AGBL1: variants seen among roughly 807,000 people sequenced by gnomAD.
AGBL1 encodes the protein cytosolic carboxypeptidase 4.
Under a neutral mutation model 118.9 loss-of-function variants are expected in AGBL1, and 130 were observed. The ratio of observed to expected loss-of-function variants is 1.09; its 90% CI spans 0.95 to 1.26. The LOEUF (loss-of-function observed/expected upper bound fraction) is 1.26. Among genes scored for constraint, AGBL1 ranks in the 50% most tolerant of loss-of-function variants. The probability of loss-of-function intolerance (pLI) is 0.00; values close to 1 mark genes in which losing one functional copy is unlikely to be tolerated. For synonymous variants in AGBL1, 555 were observed against 478.9 expected (o/e 1.16, Z -2.08); for missense variants, 1,584 against 1,298.1 (o/e 1.22, Z -3.38).
chr15:86,993,062 T>C (rs989422024), intron 24 of AGBL1, among the ~76,000 whole-genome samples: 1 of 152,244 alleles, frequency 6.6e-6, no homozygotes, highest in African/African-American at 2.4e-5. Context: ...GTCATTTTTT[T>C]ATTATCCTAA....
Position 86,258,023 on chromosome 15 carries a change from A to C in AGBL1, c.961A>C (p.Lys321Gln), listed in dbSNP as rs907285815. 1.2e-5 allele frequency: 19 copies of C among 1,613,570 alleles called. No individual in the cohort carries two copies. The highest frequency in any genetic ancestry group is 1.6e-5 in the Non-Finnish European group (19 of 1,179,756). The change falls in exon 9 of 23, where the codon AAA becomes CAA. Residue 321 changes from lysine (K) to glutamine (Q), a missense_variant. By Grantham distance (53) the Lys-to-Gln change is moderately conservative. Transcript: ENST00000614907. ...CAAAGACTCTGATACTGAAGATGGGAAAGTGGAAGTAGGTACACCAGCCCA... is the reference window on the plus strand; with the variant it reads ...CAAAGACTCTGATACTGAAGATGGGCAAGTGGAAGTAGGTACACCAGCCCA... ...VDKDSDTEDG[K>Q]VEDDDLETDV...
chr15:86,441,048 G>T (rs998798709), intron 18 of AGBL1, among the ~76,000 whole-genome samples: 2 of 152,136 alleles, frequency 1.3e-5, no homozygotes, highest in African/African-American at 2.4e-5. Flanking sequence ...TATGGTTAAA[G>T]AACAGGGACA....
intron 22 of AGBL1, among the ~76,000 whole-genome samples, chr15:86,884,605 A>T (rs931998614): frequency 1.3e-5 from 2 of 152,232 alleles, no homozygotes; most frequent in African/African-American, 2.4e-5. Flanking sequence ...TCAGTTCAGG[A>T]GTTGGAGACC....
intron 21 of AGBL1, among the ~76,000 whole-genome samples, chr15:86,555,865 G>T (rs2083726508): frequency 6.6e-6 from 1 of 152,052 alleles, no homozygotes; most frequent in African/African-American, 2.4e-5. Flanking sequence ...TATATAATCA[G>T]AAATCTGTTC....
intron 21 of AGBL1, among the ~76,000 whole-genome samples, chr15:86,619,021 A>G (rs2084768116): frequency 6.6e-6 from 1 of 152,230 alleles, no homozygotes; most frequent in Middle Eastern, 3.4e-3. Context: ...CTTTCAGTTC[A>G]GAAAATTTCG....
At chr15:86,508,415 T>C (rs2083008509) in intron 18 of AGBL1, among the ~76,000 whole-genome samples, 1 of 152,098 alleles carries the variant, frequency 6.6e-6, no homozygotes, top group South Asian at 2.1e-4. Context: ...AAGATTGTGC[T>C]TTAGGTAAAG....
chr15:86,584,841 G>A (rs753580559), intron 21 of AGBL1, among the ~76,000 whole-genome samples: 23 of 152,082 alleles, frequency 1.5e-4, no homozygotes, highest in Admixed American at 6.5e-4. Flanking sequence ...ATTTGTTTGT[G>A]TCATCTGTGA....
chr15:86,593,854 A>G (rs1245814049), intron 21 of AGBL1, among the ~76,000 whole-genome samples: 1 of 152,176 alleles, frequency 6.6e-6, no homozygotes, highest in African/African-American at 2.4e-5. Context: ...GAATCATACA[A>G]TATGTGTTCC....
At chr15:86,892,101 G>T (rs532326971) in intron 22 of AGBL1, among the ~76,000 whole-genome samples, 1 of 152,232 alleles carries the variant, frequency 6.6e-6, no homozygotes, top group Non-Finnish European at 1.5e-5. Flanking sequence ...ACTTGCTGAT[G>T]AATTGATTCA....
intron 24 of AGBL1, among the ~76,000 whole-genome samples, chr15:86,990,289 T>G (rs2247085): frequency 0.81 from 123,865 of 152,122 alleles, 51,055 homozygotes; most frequent in South Asian, 0.95. Flanking sequence ...CTGAGGCAGT[T>G]GGATCACCTG....
At chr15:86,488,102 G>A (rs1276949080) in intron 18 of AGBL1, among the ~76,000 whole-genome samples, 2 of 152,028 alleles carry the variant, frequency 1.3e-5, no homozygotes, top group African/African-American at 4.8e-5. Context: ...TAGTCATGGT[G>A]TTTCAGCTAA....
chr15:86,786,212 C>T lies in AGBL1; in HGVS notation c.3158+111776C>T, dbSNP rs1046861016. Among the ~76,000 whole-genome samples, 5 of 151,972 alleles carry T rather than the reference C, an allele frequency of 3.3e-5. No individual in the cohort carries two copies. The South Asian group carries it at 8.3e-4, about 25-fold the overall frequency. On this transcript the variant is annotated intron_variant, in intron 22 of 22. Coordinates refer to ENST00000614907, the MANE Select transcript of AGBL1 (RefSeq NM_001386094.1). ...TGCTGGTGTGCTGCACCCATTAACTCGTCATTTAGCATTAGGTATATCTCC... is the reference window on the plus strand; with the variant it reads ...TGCTGGTGTGCTGCACCCATTAACTTGTCATTTAGCATTAGGTATATCTCC...
chr15:86,883,873 G>A (rs775341954), intron 22 of AGBL1, among the ~76,000 whole-genome samples: 1 of 152,064 alleles, frequency 6.6e-6, no homozygotes, highest in Non-Finnish European at 1.5e-5. Context: ...AGGCACACTG[G>A]GTAACAAATC....
intron 19 of AGBL1, among the ~76,000 whole-genome samples, chr15:86,526,715 A>C (rs2083271893): frequency 6.6e-6 from 1 of 151,720 alleles, no homozygotes; most frequent in East Asian, 1.9e-4. Context: ...TTTTTGCAGC[A>C]ACTTGAATGG....
intron 22 of AGBL1, among the ~76,000 whole-genome samples, chr15:86,678,168 A>G (rs2085884150): frequency 1.3e-5 from 2 of 152,274 alleles, no homozygotes; most frequent in Non-Finnish European, 1.5e-5. Flanking sequence ...TTTCTCAAGA[A>G]TGTTATATAT....
intron 21 of AGBL1, among the ~76,000 whole-genome samples, chr15:86,590,813 A>G (rs1266641491): frequency 1.3e-5 from 2 of 152,194 alleles, no homozygotes; most frequent in East Asian, 1.9e-4. Flanking sequence ...AGCTACTTTT[A>G]TTTGCTGGCT....
chr15:86,883,905 T>C (rs1472760968), intron 22 of AGBL1, among the ~76,000 whole-genome samples: 1 of 152,150 alleles, frequency 6.6e-6, no homozygotes, highest in Non-Finnish European at 1.5e-5. Context: ...ATGTATACAG[T>C]AGTCCCTCCT....
chr15:86,381,987 G>A (rs1385898163), intron 17 of AGBL1, among the ~76,000 whole-genome samples: 1 of 152,194 alleles, frequency 6.6e-6, no homozygotes, highest in African/African-American at 2.4e-5. Flanking sequence ...ATATCCAAAA[G>A]GTATTTAGGA....
intron 1 of AGBL1, among the ~76,000 whole-genome samples, chr15:86,138,979 T>G: frequency 6.6e-6 from 1 of 152,196 alleles, no homozygotes; most frequent in Non-Finnish European, 1.5e-5. Flanking sequence ...ATAGATCAGT[T>G]GCTGGACAGC....
Sources: allele counts gnomAD v4.1 joint callset (sites outside exome capture counted in the v4.1 genomes callset), GRCh38; gene constraint gnomAD v4.1.1; transcripts MANE v1.5; gene names NCBI Gene and HGNC (gene_info 2026-07-23, HGNC 2026-07-21).